DYNC1I1: variants seen among roughly 807,000 people sequenced by gnomAD.
DYNC1I1 encodes the protein dynein cytoplasmic 1 intermediate chain 1.
DYNC1I1 carries 43 observed loss-of-function variants against 86.6 expected under a neutral mutation model. The observed-to-expected ratio is 0.50, with a 90% CI of 0.39 to 0.64. DYNC1I1 has a LOEUF of 0.64. Ranked by LOEUF, DYNC1I1 falls within the 30% of genes least tolerant of loss-of-function variation. DYNC1I1 has a pLI of 0.00. For missense variants in DYNC1I1, 604 were observed against 788.8 expected (o/e 0.77, Z 2.81); for synonymous variants, 262 against 283.7 (o/e 0.92, Z 0.77).
At chr7:96,085,132 T>C (rs1260237112) in intron 16 of DYNC1I1, among the ~76,000 whole-genome samples, 2 of 152,184 alleles carry the variant, frequency 1.3e-5, no homozygotes, top group African/African-American at 4.8e-5. Context: ...CTGCCTCATC[T>C]CCTGTCCCAG....
intron 10 of DYNC1I1, among the ~76,000 whole-genome samples, chr7:96,004,105 G>A (rs1327974428): frequency 6.6e-6 from 1 of 152,172 alleles, no homozygotes; most frequent in Admixed American, 6.5e-5. Flanking sequence ...TACTATTGTA[G>A]AGAATTTCTT....
intron 6 of DYNC1I1, among the ~76,000 whole-genome samples, chr7:95,912,391 G>A (rs1160646326): frequency 1.3e-5 from 2 of 152,164 alleles, no homozygotes; most frequent in Admixed American, 6.5e-5. Flanking sequence ...TGGAGTGAAG[G>A]AGTTTATCTG....
At chr7:95,971,752 A>G (rs1020470713) in intron 6 of DYNC1I1, among the ~76,000 whole-genome samples, 4 of 152,196 alleles carry the variant, frequency 2.6e-5, no homozygotes, top group Non-Finnish European at 5.9e-5. Context: ...ATATAAAATA[A>G]TTGTGCATCT....
rs17167231 is a variant in DYNC1I1, at chr7:95,889,016, G to A, written c.490+19018G>A. Among the ~76,000 whole-genome samples the A allele has an allele frequency of 8.6e-3, 1,311 of 152,228 alleles. 20 individuals are homozygous for A. The highest frequency in any genetic ancestry group is 0.03 in the African/African-American group (1,226 of 41,522). On this transcript the variant is annotated intron_variant, in intron 6 of 16. Transcript: ENST00000447467. ...GAAATGCTTGGGAGAAGTCATTGGAGGAAGCTGCAATTGGGGTTTGACCTG... is the reference window on the plus strand; with the variant it reads ...GAAATGCTTGGGAGAAGTCATTGGAAGAAGCTGCAATTGGGGTTTGACCTG...
intron 10 of DYNC1I1, among the ~76,000 whole-genome samples, chr7:96,020,084 C>A (rs1256984624): frequency 3.0e-5 from 4 of 134,008 alleles, no homozygotes; most frequent in African/African-American, 2.9e-5. Flanking sequence ...ATGGCTAGTA[C>A]TAAAAAGAAA....
In DYNC1I1 at chr7:96,035,732, C is replaced by T. The variant is rs1249205447; in HGVS notation, c.1344C>T (p.Tyr448=). 3.7e-6 allele frequency: 6 copies of T among 1,610,234 alleles called. No homozygotes were observed. The highest frequency in any genetic ancestry group is 1.7e-5 in the Admixed American group (1 of 59,166). The part of the protein sequence containing the change: ...FVVGSEEGTV[Y]TACRHGSKAG... ...TTGGCAGTGAGGAAGGTACAGTCTACACGGCTTGTCGTCATGGAAGGTGAT... is the reference window on the plus strand; with the variant it reads ...TTGGCAGTGAGGAAGGTACAGTCTATACGGCTTGTCGTCATGGAAGGTGAT... Residue 448 remains tyrosine, a synonymous_variant, in exon 13 of 17, where the codon TAC becomes TAT. Coordinates refer to ENST00000447467, the MANE Select transcript of DYNC1I1 (RefSeq NM_001135556.2).
intron 10 of DYNC1I1, among the ~76,000 whole-genome samples, chr7:96,019,112 G>A (rs1449791137): frequency 6.6e-6 from 1 of 152,092 alleles, no homozygotes; most frequent in Non-Finnish European, 1.5e-5. Flanking sequence ...TGATTTGTTT[G>A]ATATGTATAC....
At chr7:95,964,098 CA>C (rs1248964571) in intron 6 of DYNC1I1, among the ~76,000 whole-genome samples, 1 of 152,084 alleles carries the variant, frequency 6.6e-6, no homozygotes, top group Non-Finnish European at 1.5e-5. Flanking sequence ...AGGATAAAAG[CA>C]AACAAATGTG....
At chr7:95,985,127 G>C in intron 8 of DYNC1I1, 150 bp downstream of exon 8, 1 of 1,090,172 alleles carries the variant, frequency 9.2e-7, no homozygotes. Flanking sequence ...TTGACTATGG[G>C]CTTTGGTGAT....
chr7:96,069,082 T>C (rs908248407), intron 14 of DYNC1I1, among the ~76,000 whole-genome samples: 1 of 152,172 alleles, frequency 6.6e-6, no homozygotes, highest in South Asian at 2.1e-4. Flanking sequence ...TCCATCCTCA[T>C]CCCTGTACAC....
intron 5 of DYNC1I1, among the ~76,000 whole-genome samples, chr7:95,848,527 T>C (rs1056292307): frequency 2.0e-5 from 3 of 152,138 alleles, no homozygotes; most frequent in Non-Finnish European, 2.9e-5. Context: ...AACAAAATGC[T>C]CTCCTGGTTC....
intron 9 of DYNC1I1, among the ~76,000 whole-genome samples, chr7:95,990,901 A>G (rs1335259305): frequency 6.6e-6 from 1 of 152,044 alleles, no homozygotes; most frequent in Non-Finnish European, 1.5e-5. Flanking sequence ...ATGGTGGTGC[A>G]TGCCTGCAGC....
chr7:95,938,073 C>T (rs958762519), intron 6 of DYNC1I1, among the ~76,000 whole-genome samples: 1 of 152,124 alleles, frequency 6.6e-6, no homozygotes, highest in Admixed American at 6.6e-5. Context: ...GCGTGCAAAA[C>T]TTGGGGTGCT....
At chr7:95,801,983 C>G (rs1794588808) in intron 1 of DYNC1I1, among the ~76,000 whole-genome samples, 1 of 152,110 alleles carries the variant, frequency 6.6e-6, no homozygotes, top group Admixed American at 6.6e-5. Context: ...GGCCCTCAGT[C>G]ACGGCTCTGC....
intron 14 of DYNC1I1, among the ~76,000 whole-genome samples, chr7:96,050,727 T>G (rs1789381502): frequency 6.6e-6 from 1 of 152,148 alleles, no homozygotes; most frequent in African/African-American, 2.4e-5. Flanking sequence ...CTGACCTGCT[T>G]TCTTGCCTGT....
chr7:95,862,027 A>C (rs572460731), intron 5 of DYNC1I1, among the ~76,000 whole-genome samples: 1 of 152,310 alleles, frequency 6.6e-6, no homozygotes, highest in African/African-American at 2.4e-5. Context: ...CCCCTACCTC[A>C]CATTATATAC....
intron 14 of DYNC1I1, among the ~76,000 whole-genome samples, chr7:96,052,859 G>A (rs759527785): frequency 2.6e-5 from 4 of 152,126 alleles, no homozygotes; most frequent in Non-Finnish European, 4.4e-5. Context: ...TGTGAAAGTA[G>A]GGCCACATCA....
At chr7:95,943,719 G>A (rs1445562140) in intron 6 of DYNC1I1, among the ~76,000 whole-genome samples, 17 of 150,980 alleles carry the variant, frequency 1.1e-4, no homozygotes, top group African/African-American at 1.5e-4. Context: ...AAATAACGCC[G>A]CATATCTACA....
chr7:95,835,485 G>C (rs1789056605), intron 5 of DYNC1I1, among the ~76,000 whole-genome samples: 1 of 151,298 alleles, frequency 6.6e-6, no homozygotes, highest in South Asian at 2.1e-4. Context: ...ATGTCTATTA[G>C]GTCTGCTTGG....
Sources: gnomAD v4.1 joint callset for allele counts (sites outside exome capture counted in the v4.1 genomes callset) on GRCh38, gnomAD v4.1.1 for gene constraint, MANE v1.5 for transcripts, NCBI Gene and HGNC (gene_info 2026-07-23, HGNC 2026-07-21) for gene names.